Variants in SLC22A16 observed in about 807,000 individuals in gnomAD.
SLC22A16 encodes WUGSC:RG331P03.1.
In SLC22A16, 53 loss-of-function variants were observed where a neutral mutation model predicts 52.9. That is an observed-to-expected ratio of 1.00 (90% CI 0.80 to 1.26). The LOEUF (loss-of-function observed/expected upper bound fraction) is 1.26. SLC22A16 is among the 50% of genes most tolerant of loss of function. SLC22A16 has a pLI of 0.00. For synonymous variants in SLC22A16, 291 were observed against 268.8 expected, an observed-to-expected ratio of 1.08 and a Z score of -0.81; for missense variants, 726 against 704.0, an observed-to-expected ratio of 1.03 and a Z score of -0.35.
At chr6:110,431,771 T>A (rs1774516458) in intron 6 of SLC22A16, among the ~76,000 whole-genome samples, 1 of 152,172 alleles carries the variant, frequency 6.6e-6, no homozygotes. Context: ...ATACCTACAT[T>A]TTGTGAAACA....
At chr6:110,425,142 G>T in intron 7 of SLC22A16, 57 bp from the exon 8 acceptor site, 1 of 1,598,514 alleles carries the variant, frequency 6.3e-7, no homozygotes. Flanking sequence ...CGAACCCTTC[G>T]GAGAATAGAA....
At chr6:110,436,689 A>T (rs1043449331) in intron 5 of SLC22A16, among the ~76,000 whole-genome samples, 3 of 152,214 alleles carry the variant, frequency 2.0e-5, no homozygotes, top group African/African-American at 7.2e-5. Flanking sequence ...TTGTGGCAGT[A>T]ATCCCTGGCT....
At position 110,445,366 on chromosome 6, in the gene SLC22A16, A is replaced by T. The variant is rs1218159207; in HGVS notation, c.651+1507T>A. ...CTCCAGACCCTGGTGAACGCTCCAG[A>T]CCCACTGATGTTATGCCCTCACTGT... On this transcript the variant is annotated intron_variant, in intron 3 of 7. Coordinates refer to ENST00000368919, the MANE Select transcript of SLC22A16 (RefSeq NM_033125.4). 2.0e-5 allele frequency among the ~76,000 whole-genome samples: 3 copies of T among 152,126 alleles called. No homozygotes were observed. In the East Asian group the frequency reaches 5.8e-4, roughly 29 times the overall value.
chr6:110,449,834 T>C (rs1327859113), intron 2 of SLC22A16, among the ~76,000 whole-genome samples: 2 of 152,230 alleles, frequency 1.3e-5, no homozygotes, highest in African/African-American at 2.4e-5. Context: ...CTGGTCTTCC[T>C]AACCTCATGT....
At chr6:110,425,531 A>C in intron 7 of SLC22A16, 4 of 535,882 alleles carry the variant, frequency 7.5e-6, no homozygotes, top group Non-Finnish European at 8.9e-6. Flanking sequence ...TCAGTACACT[A>C]TCAGGGTTCA....
rs753668773 is a variant in SLC22A16 at position 110,435,845 on chromosome 6, T to C, written c.1421+7A>G. ...AGGAAAACAACCAGAAAACAATTCA[T>C]CCTTACCTTACAATGGTTGGATACA... On this transcript the variant is annotated splice_region_variant and intron_variant, in intron 6 of 7. Transcript: ENST00000368919. 3.2e-6 allele frequency: 5 copies of C among 1,579,376 alleles called. No homozygotes were observed. In the Admixed American group the frequency reaches 5.3e-5, roughly 17 times the overall value.
At chr6:110,462,607 A>C (rs1217204971) in intron 1 of SLC22A16, among the ~76,000 whole-genome samples, 4 of 152,186 alleles carry the variant, frequency 2.6e-5, no homozygotes, top group African/African-American at 9.6e-5. Context: ...TAATGAATAA[A>C]GTCTTTGAGA....
At chr6:110,452,656 A>T (rs1775430560) in intron 2 of SLC22A16, among the ~76,000 whole-genome samples, 1 of 152,206 alleles carries the variant, frequency 6.6e-6, no homozygotes, top group East Asian at 1.9e-4. Flanking sequence ...GCAACATAGC[A>T]AAACCCTGTC....
At chr6:110,427,105 A>C (rs1383477197) in intron 7 of SLC22A16, among the ~76,000 whole-genome samples, 1 of 141,418 alleles carries the variant, frequency 7.1e-6, no homozygotes, top group Non-Finnish European at 1.5e-5. Flanking sequence ...AAAATTAGCC[A>C]GGTGTGGGGG....
At chr6:110,476,449 C>A (rs1776483404) in intron 1 of SLC22A16, 73 bp downstream of exon 1, 8 of 1,433,034 alleles carry the variant, frequency 5.6e-6, no homozygotes, top group Non-Finnish European at 7.3e-6. Flanking sequence ...GCGCGAGAAC[C>A]CCGCCGCAAC....
intron 4 of SLC22A16, among the ~76,000 whole-genome samples, 181 bp downstream of exon 4, chr6:110,442,063 A>G (rs1017370377): frequency 3.2e-4 from 48 of 152,314 alleles, no homozygotes; most frequent in African/African-American, 9.9e-4. Context: ...CCTCATATGT[A>G]CATGTGTTAC....
chr6:110,457,495 C>T (rs372863394), intron 1 of SLC22A16, among the ~76,000 whole-genome samples: 9 of 152,214 alleles, frequency 5.9e-5, no homozygotes, highest in Non-Finnish European at 7.3e-5. Context: ...GGCAAGAGAC[C>T]GAGCACGAGC....
intron 2 of SLC22A16, among the ~76,000 whole-genome samples, chr6:110,450,295 A>T (rs1469796931): frequency 6.6e-6 from 1 of 152,228 alleles, no homozygotes; most frequent in African/African-American, 2.4e-5. Context: ...AATTGTCCAT[A>T]AATGCGAGTT....
At chr6:110,444,866 T>C (rs1451102653) in intron 3 of SLC22A16, among the ~76,000 whole-genome samples, 1 of 152,234 alleles carries the variant, frequency 6.6e-6, no homozygotes, top group Non-Finnish European at 1.5e-5. Flanking sequence ...AAGATTGTGA[T>C]AACTTTCAAA....
chr6:110,436,415 A>G (rs973725476), intron 5 of SLC22A16, among the ~76,000 whole-genome samples: 6 of 152,166 alleles, frequency 3.9e-5, no homozygotes, highest in African/African-American at 1.4e-4. Flanking sequence ...ACTTGAGGCC[A>G]AGAGTTTTAG....
chr6:110,440,491 T>C (rs1218300793), intron 4 of SLC22A16, among the ~76,000 whole-genome samples: 1 of 152,168 alleles, frequency 6.6e-6, no homozygotes, highest in Non-Finnish European at 1.5e-5. Context: ...AAAAAGGTCA[T>C]GGACGGCGGG....
At position 110,460,090 on chromosome 6, in the gene SLC22A16, G is replaced by A. The variant is rs181733133; in HGVS notation, c.54-3073C>T. On this transcript the variant is annotated intron_variant, in intron 1 of 7. Transcript: ENST00000368919. The stretch of plus-strand genomic sequence containing the variant: ...GGGAGGTAGGAAATAGGTCCTGTCC[G>A]ATCAAACTGAGGTCAAATTGCACCA... 9.2e-5 allele frequency among the ~76,000 whole-genome samples: 14 copies of A among 152,264 alleles called. No homozygotes were observed. The South Asian group carries it at 1.5e-3, about 16-fold the overall frequency.
rs758597895 is a variant in SLC22A16 at position 110,442,489 on chromosome 6, T to C, written c.938A>G (p.Lys313Arg). 1 of 1,614,246 alleles carries C rather than the reference T, an allele frequency of 6.2e-7. No individual in the cohort carries two copies. ...EAQKIVDIMA[K>R]WNRASSCKLS... is the part of the protein sequence containing the mutation. ...TTTACAGGAGCTTGCCCTGTTCCAC[T>C]TGGCCATGATGTCAACTATTTTTTG... The change falls in exon 4 of 8, where the codon AAG (lysine) becomes AGG (arginine). Residue 313 changes from lysine to arginine, a missense_variant. Physicochemically the swap from Lys to Arg is conservative, Grantham distance 26. Coordinates refer to ENST00000368919, the MANE Select transcript of SLC22A16 (RefSeq NM_033125.4).
Position 110,438,731 on chromosome 6 carries a change from C to G in SLC22A16, c.1300G>C (p.Val434Leu). The G allele has an allele frequency of 6.2e-7, 1 of 1,613,196 alleles. No individual in the cohort carries two copies. Residue 434 changes from valine to leucine, a missense_variant, in exon 5 of 8, where the codon GTG (valine) becomes CTG (leucine). By Grantham distance (32) the Val-to-Leu change is conservative. Coordinates refer to ENST00000368919, the MANE Select transcript of SLC22A16 (RefSeq NM_033125.4). The stretch of plus-strand genomic sequence containing the variant: ...AGAAGATAACTCACCTGGGGGATCA[C>G]CATAACGACACCACAGGCCAGTGCA... ...CSALACGVVMVIPQKHYILGV... is the reference protein window; with the variant it reads ...CSALACGVVMLIPQKHYILGV...
Sources: allele counts gnomAD v4.1 joint callset (sites outside exome capture counted in the v4.1 genomes callset), GRCh38; gene constraint gnomAD v4.1.1; transcripts MANE v1.5; gene names NCBI Gene and HGNC (gene_info 2026-07-23, HGNC 2026-07-21).